FRMD4A: variants seen among roughly 807,000 people sequenced by gnomAD.
The protein encoded by FRMD4A is FERM domain-containing protein 4A.
FRMD4A carries 29 observed loss-of-function variants against 129.1 expected under a neutral mutation model. The ratio of observed to expected loss-of-function variants is 0.22; its 90% CI spans 0.17 to 0.31. The LOEUF (loss-of-function observed/expected upper bound fraction) is 0.31, where lower values mean the gene tolerates loss of function less well. Ranked by LOEUF, FRMD4A falls within the 10% of genes least tolerant of loss-of-function variation. The pLI is 1.00. For missense variants in FRMD4A, 1,272 were observed against 1,375.8 expected (o/e 0.92, Z 1.19); for synonymous variants, 634 against 571.6 (o/e 1.11, Z -1.56).
chr10:14,197,450 T>G (rs1427768866), intron 2 of FRMD4A, among the ~76,000 whole-genome samples: 2 of 152,320 alleles, frequency 1.3e-5, no homozygotes, highest in Non-Finnish European at 2.9e-5. Context: ...TGCAGCCTCC[T>G]CCCGTGTTCA....
intron 24 of FRMD4A, among the ~76,000 whole-genome samples, chr10:13,650,473 C>T (rs965011636): frequency 3.9e-5 from 6 of 152,192 alleles, no homozygotes; most frequent in Non-Finnish European, 7.3e-5. Flanking sequence ...CCTACATTCC[C>T]ACCGCAGCTC....
chr10:14,322,245 C>T (rs1328818040), intron 2 of FRMD4A, among the ~76,000 whole-genome samples: 3 of 152,128 alleles, frequency 2.0e-5, no homozygotes, highest in Non-Finnish European at 2.9e-5. Context: ...GCAGCAGAAG[C>T]AGCATGGCCC....
At chr10:14,150,030 T>A (rs992825097) in intron 2 of FRMD4A, among the ~76,000 whole-genome samples, 1 of 152,114 alleles carries the variant, frequency 6.6e-6, no homozygotes, top group Non-Finnish European at 1.5e-5. Flanking sequence ...CTTCACACAG[T>A]GGCAGGAGAG....
chr10:13,879,689 T>G (rs1326132361), intron 2 of FRMD4A, among the ~76,000 whole-genome samples: 2 of 151,408 alleles, frequency 1.3e-5, no homozygotes, highest in African/African-American at 2.4e-5. Context: ...CTTCTTTCTC[T>G]TCCTTTTCCT....
chr10:13,984,932 A>G (rs2095575708), intron 2 of FRMD4A, among the ~76,000 whole-genome samples: 1 of 152,204 alleles, frequency 6.6e-6, no homozygotes, highest in Non-Finnish European at 1.5e-5. Context: ...ATTTGGGGGA[A>G]GCTCTGTGCT....
At position 13,646,725 on chromosome 10, in the gene FRMD4A, G is replaced by A. The variant is rs2081138187; in HGVS notation, c.*313C>T. The A allele has an allele frequency of 6.5e-6, 1 of 152,746 alleles. No individual in the cohort carries two copies. The highest frequency in any genetic ancestry group is 6.5e-5 in the Admixed American group (1 of 15,288). The allele number at this position is 152,746 out of a possible 1,614,324, so 9.5% of individuals were successfully genotyped here. ...TTGGTGTCTGGCTCTCTATGGGCAA[G>A]AGCGCCAGGGGACACACAGTGGGAC... On this transcript the variant is annotated 3_prime_UTR_variant, in exon 25 of 25. Coordinates refer to ENST00000357447, the MANE Select transcript of FRMD4A (RefSeq NM_018027.5).
rs57444575 is a variant in FRMD4A at position 13,899,160 on chromosome 10, T to TATAAAATAAA, written c.46-40258_46-40249dup. 1.6e-4 allele frequency among the ~76,000 whole-genome samples: 25 copies of TATAAAATAAA among 151,530 alleles called. No homozygotes were observed. The East Asian group carries it at 2.8e-3, about 17-fold the overall frequency. On this transcript the variant is annotated intron_variant, in intron 2 of 24. Coordinates refer to ENST00000357447, the MANE Select transcript of FRMD4A (RefSeq NM_018027.5). ...CTGGGTGACAGAGCAAGACCCTGTC[T>TATAAAATAAA]ATAAAATAAAATAAAATAAGCCTGA...
intron 4 of FRMD4A, among the ~76,000 whole-genome samples, chr10:13,801,264 C>T (rs1271897403): frequency 1.3e-5 from 2 of 151,776 alleles, no homozygotes. Flanking sequence ...CAGAGTGGGG[C>T]CCTGTCTCAA....
chr10:14,300,561 G>A (rs1027855984), intron 2 of FRMD4A, among the ~76,000 whole-genome samples: 4 of 152,186 alleles, frequency 2.6e-5, no homozygotes, highest in Non-Finnish European at 4.4e-5. Context: ...CAAAAACTGG[G>A]TCTGTAGTGG....
chr10:13,743,225 G>A (rs572973549), intron 9 of FRMD4A, among the ~76,000 whole-genome samples: 4 of 152,224 alleles, frequency 2.6e-5, no homozygotes. Context: ...GTGTGACAAG[G>A]TCGTCTCCTG....
chr10:14,107,828 C>G (rs897483674), intron 2 of FRMD4A, among the ~76,000 whole-genome samples: 1 of 152,172 alleles, frequency 6.6e-6, no homozygotes, highest in African/African-American at 2.4e-5. Flanking sequence ...TGGACCACAA[C>G]TTATTTACTC....
At chr10:14,018,470 A>C (rs1325451744) in intron 2 of FRMD4A, among the ~76,000 whole-genome samples, 1 of 151,204 alleles carries the variant, frequency 6.6e-6, no homozygotes, top group Non-Finnish European at 1.5e-5. Context: ...AAAAAAAAAA[A>C]AAAAAAAAAA....
chr10:13,729,091 C>T (rs868320657), intron 12 of FRMD4A, among the ~76,000 whole-genome samples: 1 of 152,364 alleles, frequency 6.6e-6, no homozygotes, highest in South Asian at 2.1e-4. Context: ...CCAAATTCCG[C>T]CCCCGCCCGC....
intron 2 of FRMD4A, among the ~76,000 whole-genome samples, chr10:13,964,505 A>G (rs969334388): frequency 6.6e-6 from 1 of 151,866 alleles, no homozygotes. Context: ...AATAGAGAGG[A>G]CAGAGGTCGA....
chr10:14,234,780 G>C (rs1468244847), intron 2 of FRMD4A, among the ~76,000 whole-genome samples: 1 of 152,150 alleles, frequency 6.6e-6, no homozygotes, highest in Admixed American at 6.5e-5. Context: ...CTCTATGGTG[G>C]GCATTCAGAT....
At chr10:13,736,491 C>A (rs1445744972) in intron 12 of FRMD4A, among the ~76,000 whole-genome samples, 1 of 152,226 alleles carries the variant, frequency 6.6e-6, no homozygotes, top group Non-Finnish European at 1.5e-5. Context: ...AATAATTCCC[C>A]CATCATTTGC....
chr10:14,145,546 C>T (rs1421504396), intron 2 of FRMD4A, among the ~76,000 whole-genome samples: 9 of 152,130 alleles, frequency 5.9e-5, no homozygotes, highest in Admixed American at 3.9e-4. Context: ...GTTTTACATA[C>T]ACAAATGATT....
chr10:13,715,636 T>G (rs1026770213), intron 12 of FRMD4A, among the ~76,000 whole-genome samples: 6 of 152,192 alleles, frequency 3.9e-5, no homozygotes, highest in Non-Finnish European at 8.8e-5. Context: ...GTGCAGTCAG[T>G]GGCTCTTGCC....
intron 3 of FRMD4A, among the ~76,000 whole-genome samples, chr10:13,836,646 A>G (rs2093878551): frequency 6.6e-6 from 1 of 151,998 alleles, no homozygotes; most frequent in African/African-American, 2.4e-5. Context: ...TGAAGAAGTC[A>G]CATACCCCAA....
Sources: allele counts gnomAD v4.1 joint callset (sites outside exome capture counted in the v4.1 genomes callset), GRCh38; gene constraint gnomAD v4.1.1; transcripts MANE v1.5; gene names NCBI Gene and HGNC (gene_info 2026-07-23, HGNC 2026-07-21).